The following MYBPC1 variants were observed in gnomAD, a reference collection of about 807,000 sequenced individuals.
The protein encoded by MYBPC1 is myosin binding protein C1.
A neutral mutation model predicts 147.1 loss-of-function variants in MYBPC1; 52 were observed. The ratio of observed to expected loss-of-function variants is 0.35; its 90% CI spans 0.28 to 0.45. The LOEUF (loss-of-function observed/expected upper bound fraction) is 0.45. Among genes scored for constraint, MYBPC1 ranks in the 20% least tolerant of loss-of-function variants. The pLI, the probability that MYBPC1 is intolerant of heterozygous loss-of-function variation, is 1.00. For synonymous variants in MYBPC1, 477 were observed against 475.9 expected (o/e 1.00, Z -0.03); for missense variants, 1,228 against 1,440.3 (o/e 0.85, Z 2.39).
At chr12:101,653,282 A>G in intron 18 of MYBPC1, 34 bp downstream of exon 18, 1 of 1,611,236 alleles carries the variant, frequency 6.2e-7, no homozygotes, top group African/African-American at 1.3e-5. Context: ...TCACATGCAC[A>G]CACACATATG....
rs1565924433 is a variant in MYBPC1, at chr12:101,631,560, G to A, written c.290-11G>A. On this transcript the variant is annotated splice_polypyrimidine_tract_variant and intron_variant, in intron 6 of 31. Coordinates refer to ENST00000361466, the MANE Select transcript of MYBPC1 (RefSeq NM_002465.4). ...TTAAAGAGCAAGCTGAATCCCTTAT[G>A]CTTCTTCTAGGTGAAGATATCACCT... The A allele has an allele frequency of 6.2e-7, 1 of 1,613,646 alleles. No homozygotes were observed. Among genetic ancestry groups the A allele is most frequent in the South Asian group, 1.1e-5 (1 of 90,910 alleles).
chr12:101,632,607 C>G (rs116606506), intron 8 of MYBPC1, among the ~76,000 whole-genome samples: 1 of 151,972 alleles, frequency 6.6e-6, no homozygotes, highest in Admixed American at 6.6e-5. Flanking sequence ...TAAATGCATA[C>G]GATGAGGTTG....
intron 8 of MYBPC1, among the ~76,000 whole-genome samples, chr12:101,633,623 G>A (rs943269113): frequency 6.6e-6 from 1 of 151,402 alleles, no homozygotes; most frequent in Non-Finnish European, 1.5e-5. Flanking sequence ...GGAGGCGGAG[G>A]TTGCAGTGAG....
intron 27 of MYBPC1, among the ~76,000 whole-genome samples, chr12:101,677,670 G>A (rs2136808446): frequency 6.6e-6 from 1 of 152,244 alleles, no homozygotes; most frequent in Non-Finnish European, 1.5e-5. Flanking sequence ...GGAAGAAGTA[G>A]ACATTTTCTT....
intron 31 of MYBPC1, 67 bp from the exon 32 acceptor site, chr12:101,685,515 G>A: frequency 4.6e-6 from 5 of 1,081,490 alleles, no homozygotes; most frequent in Non-Finnish European, 6.8e-6. Flanking sequence ...TAGTCAAGAA[G>A]TATTGTTTCA....
At chr12:101,609,641 T>TA (rs1883552448) in intron 1 of MYBPC1, among the ~76,000 whole-genome samples, 1 of 152,176 alleles carries the variant, frequency 6.6e-6, no homozygotes, top group Non-Finnish European at 1.5e-5. Flanking sequence ...AAGTGATTAA[T>TA]ACGCATACTG....
chr12:101,654,148 A>C (rs1442397324), intron 18 of MYBPC1, among the ~76,000 whole-genome samples: 1 of 152,218 alleles, frequency 6.6e-6, no homozygotes, highest in African/African-American at 2.4e-5. Flanking sequence ...CAGAGGTTGC[A>C]GTGAGCCGAG....
At chr12:101,651,935 C>G (rs1240040782) in intron 16 of MYBPC1, among the ~76,000 whole-genome samples, 2 of 152,048 alleles carry the variant, frequency 1.3e-5, no homozygotes, top group African/African-American at 4.8e-5. Flanking sequence ...GACCTTGTCT[C>G]TAAAATAAAT....
chr12:101,660,315 C>T (rs1288352011), intron 19 of MYBPC1: 3 of 195,560 alleles, frequency 1.5e-5, no homozygotes, highest in South Asian at 2.0e-4. Flanking sequence ...ACTATACTTA[C>T]AAGATATTGT....
At chr12:101,652,237 T>C (rs1047804695) in intron 16 of MYBPC1, among the ~76,000 whole-genome samples, 1 of 152,222 alleles carries the variant, frequency 6.6e-6, no homozygotes, top group African/African-American at 2.4e-5. Context: ...GGATTCATAG[T>C]GTCCATCAGA....
chr12:101,602,324 C>G (rs1219675183), intron 1 of MYBPC1, among the ~76,000 whole-genome samples: 1 of 152,202 alleles, frequency 6.6e-6, no homozygotes, highest in African/African-American at 2.4e-5. Context: ...AAGCAATTCT[C>G]CTACCTCAGC....
rs368680155 is a variant in MYBPC1, at chr12:101,675,322, T to C, written c.2840T>C (p.Ile947Thr). 3.2e-5 allele frequency: 51 copies of C among 1,613,916 alleles called. No individual in the cohort carries two copies. The East Asian group carries it at 6.7e-4, about 21-fold the overall frequency. ...CCAGGTCCACCCCAAATTGTGAAGATTGAGGATGTCTGGGGAGAAAATGTC... is the reference window on the plus strand; with the variant it reads ...CCAGGTCCACCCCAAATTGTGAAGACTGAGGATGTCTGGGGAGAAAATGTC... ...DRPGPPQIVKIEDVWGENVAL... is the reference protein window; with the variant it reads ...DRPGPPQIVKTEDVWGENVAL... Residue 947 changes from isoleucine (I) to threonine (T), a missense_variant, in exon 26 of 32, where the codon ATT (isoleucine) becomes ACT (threonine). Ile to Thr is a moderately conservative substitution (Grantham distance 89). Around this residue, in one of 2 missense-constraint regions of MYBPC1, gnomAD observed 1,077 missense variants for 1,314.2 expected, o/e 0.82. Transcript: ENST00000361466.
chr12:101,644,060 G>C (rs969498438), intron 11 of MYBPC1, among the ~76,000 whole-genome samples: 2 of 151,856 alleles, frequency 1.3e-5, no homozygotes, highest in Non-Finnish European at 2.9e-5. Flanking sequence ...TTTGAAACAG[G>C]GTCCCATTCT....
chr12:101,669,608 G>A (rs1898134357), intron 23 of MYBPC1, among the ~76,000 whole-genome samples: 1 of 152,076 alleles, frequency 6.6e-6, no homozygotes. Context: ...ATCTTTCGTG[G>A]AATGTTCCCT....
At chr12:101,660,003 C>T in intron 19 of MYBPC1, 172 bp downstream of exon 19, 4 of 830,042 alleles carry the variant, frequency 4.8e-6, no homozygotes, top group Non-Finnish European at 7.7e-6. Context: ...TAAGGTCAGC[C>T]ATTTGGGGTT....
intron 18 of MYBPC1, among the ~76,000 whole-genome samples, chr12:101,653,649 C>G: frequency 6.6e-6 from 1 of 152,064 alleles, no homozygotes; most frequent in East Asian, 1.9e-4. Flanking sequence ...CAATGGCAGC[C>G]TCTGTGAAGA....
chr12:101,684,123 C>A (rs1025099761), intron 30 of MYBPC1, among the ~76,000 whole-genome samples: 1 of 152,108 alleles, frequency 6.6e-6, no homozygotes, highest in African/African-American at 2.4e-5. Context: ...ATCAGAATGA[C>A]TTTGCCACCT....
chr12:101,646,908 T>C, intron 13 of MYBPC1, 21 bp downstream of exon 13: 1 of 1,613,862 alleles, frequency 6.2e-7, no homozygotes, highest in Non-Finnish European at 8.5e-7. Context: ...AATCTCTTAT[T>C]GTGGTCACCA....
At chr12:101,610,335 C>G (rs1338547369) in intron 1 of MYBPC1, among the ~76,000 whole-genome samples, 1 of 152,170 alleles carries the variant, frequency 6.6e-6, no homozygotes, top group Non-Finnish European at 1.5e-5. Context: ...TTGCATCGAG[C>G]TCAACTACTA....
Sources: gnomAD v4.1 joint callset for allele counts (sites outside exome capture counted in the v4.1 genomes callset) on GRCh38, gnomAD v4.1.1 for gene constraint, gnomAD v4.1.1 regional missense constraint, MANE v1.5 for transcripts, NCBI Gene and HGNC (gene_info 2026-07-23, HGNC 2026-07-21) for gene names.